The following CACNA2D3 variants were observed in gnomAD, a reference collection of about 807,000 sequenced individuals.
CACNA2D3 encodes voltage-dependent calcium channel subunit alpha-2/delta-3.
Under a neutral mutation model 160.6 loss-of-function variants are expected in CACNA2D3, and 60 were observed. That is an observed-to-expected ratio of 0.37 (90% CI 0.30 to 0.46). The LOEUF (loss-of-function observed/expected upper bound fraction) is 0.46, where lower values mean the gene tolerates loss of function less well. Ranked by LOEUF, CACNA2D3 falls within the 20% of genes least tolerant of loss-of-function variation. The pLI is 1.00. For missense variants in CACNA2D3, 1,205 were observed against 1,365.0 expected (o/e 0.88, Z 1.85); for synonymous variants, 558 against 492.9 (o/e 1.13, Z -1.75).
At chr3:54,912,430 A>G (rs1700577620) in intron 27 of CACNA2D3, among the ~76,000 whole-genome samples, 1 of 151,878 alleles carries the variant, frequency 6.6e-6, no homozygotes, top group African/African-American at 2.4e-5. Flanking sequence ...CTCTAATCTC[A>G]GCTCCTTCTA....
chr3:55,074,449 T>TTCA lies in CACNA2D3; in HGVS notation c.*247_*249dup, dbSNP rs1407292466. On this transcript the variant is annotated 3_prime_UTR_variant, in exon 38 of 38. Transcript: ENST00000474759. ...TGAGTTTGCCACATGATAATCACCC[T>TTCA]TCATCAGAAATGGGACCGCAAGTGG... The TTCA allele has an allele frequency of 1.6e-5, 8 of 511,518 alleles. No individual in the cohort carries two copies. Among genetic ancestry groups the TTCA allele is most frequent in the African/African-American group, 9.7e-5 (5 of 51,672 alleles). The allele number at this position is 511,518 out of a possible 1,614,324, so 31.7% of individuals were successfully genotyped here. A position where few individuals can be genotyped will look rare whatever the true frequency, so the allele number is the denominator to read the frequency against.
rs980380639 is a variant in CACNA2D3 at position 54,508,054 on chromosome 3, T to C, written c.544+4400T>C. ...GAGCCTTTAGCAGGTGAGTAGGTAC[T>C]GTAACTCCAAGACTGAGGGAGCTTG... is the stretch of plus-strand genomic sequence containing the variant. On this transcript the variant is annotated intron_variant, in intron 5 of 37. Coordinates refer to ENST00000474759, the MANE Select transcript of CACNA2D3 (RefSeq NM_018398.3). 5.3e-5 allele frequency among the ~76,000 whole-genome samples: 8 copies of C among 152,224 alleles called. No homozygotes were observed. In the East Asian group the frequency reaches 1.5e-3, roughly 29 times the overall value.
At chr3:54,806,640 A>G (rs1320123363) in intron 13 of CACNA2D3, among the ~76,000 whole-genome samples, 3 of 152,226 alleles carry the variant, frequency 2.0e-5, no homozygotes, top group African/African-American at 4.8e-5. Flanking sequence ...AAGGTAATTT[A>G]TAGATTCAAT....
At chr3:54,455,720 T>A (rs1287324216) in intron 4 of CACNA2D3, among the ~76,000 whole-genome samples, 1 of 152,184 alleles carries the variant, frequency 6.6e-6, no homozygotes, top group African/African-American at 2.4e-5. Context: ...AAGATTTAAG[T>A]CTTTAATTCA....
At chr3:54,945,232 G>T (rs937385758) in intron 27 of CACNA2D3, among the ~76,000 whole-genome samples, 1 of 152,200 alleles carries the variant, frequency 6.6e-6, no homozygotes, top group African/African-American at 2.4e-5. Context: ...GTTGGTGTCT[G>T]TGGCATGTGC....
intron 3 of CACNA2D3, among the ~76,000 whole-genome samples, chr3:54,365,693 G>A (rs1388281185): frequency 2.0e-5 from 3 of 152,080 alleles, no homozygotes; most frequent in African/African-American, 7.2e-5. Context: ...GAGAAACCCT[G>A]TCTCTACTAA....
intron 3 of CACNA2D3, among the ~76,000 whole-genome samples, chr3:54,347,172 T>C (rs1698474777): frequency 6.6e-6 from 1 of 152,226 alleles, no homozygotes; most frequent in African/African-American, 2.4e-5. Context: ...TGGCACCTTA[T>C]GCCTGCTGGA....
chr3:54,580,703 C>A (rs1217479462), intron 8 of CACNA2D3, among the ~76,000 whole-genome samples: 1 of 152,178 alleles, frequency 6.6e-6, no homozygotes. Context: ...GGTGTGGTCC[C>A]ACTTTGTGGT....
intron 24 of CACNA2D3, among the ~76,000 whole-genome samples, chr3:54,890,262 C>T (rs1168522486): frequency 4.6e-5 from 7 of 151,912 alleles, no homozygotes; most frequent in Non-Finnish European, 8.8e-5. Context: ...TTTGGGAGGC[C>T]GAGGTGGGCA....
intron 5 of CACNA2D3, among the ~76,000 whole-genome samples, chr3:54,521,461 T>C (rs937713097): frequency 1.3e-5 from 2 of 152,180 alleles, no homozygotes; most frequent in African/African-American, 2.4e-5. Flanking sequence ...TCAAGAGATA[T>C]GATTTGCAAA....
rs369007839 is a variant in CACNA2D3 at position 54,626,473 on chromosome 3, G to A, written c.964-1314G>A. 3.3e-5 allele frequency: 53 copies of A among 1,605,028 alleles called. 1 individual carries two copies. In the East Asian group the frequency reaches 4.7e-4, roughly 14 times the overall value. ...CCTGCGTGACGTGATCATCCTGCCCGAGATGGTGGGCAGCATGGTGGGCGT... is the reference window on the plus strand; with the variant it reads ...CCTGCGTGACGTGATCATCCTGCCCAAGATGGTGGGCAGCATGGTGGGCGT... On this transcript the variant is annotated intron_variant, in intron 9 of 37. Coordinates refer to ENST00000474759, the MANE Select transcript of CACNA2D3 (RefSeq NM_018398.3).
intron 27 of CACNA2D3, among the ~76,000 whole-genome samples, chr3:54,965,887 C>G (rs1354263266): frequency 2.6e-5 from 4 of 152,076 alleles, no homozygotes; most frequent in African/African-American, 9.7e-5. Context: ...AGTTCTAGTT[C>G]AGGGCATCAG....
At chr3:54,449,063 T>C (rs1700264375) in intron 4 of CACNA2D3, among the ~76,000 whole-genome samples, 2 of 152,252 alleles carry the variant, frequency 1.3e-5, no homozygotes, top group South Asian at 4.1e-4. Flanking sequence ...AAACTACTTT[T>C]TAATGTCATC....
intron 11 of CACNA2D3, among the ~76,000 whole-genome samples, chr3:54,728,150 G>C (rs1701312886): frequency 6.6e-6 from 1 of 151,866 alleles, no homozygotes; most frequent in African/African-American, 2.4e-5. Context: ...TAAAATTTTT[G>C]TCTCACTTCC....
At position 54,122,676 on chromosome 3, in the gene CACNA2D3, C is replaced by T. The variant is rs895206770; in HGVS notation, c.-38C>T. 4.3e-4 allele frequency: 452 copies of T among 1,060,376 alleles called. 1 individual carries two copies. The highest frequency in any genetic ancestry group is 3.2e-3 in the Admixed American group (58 of 18,170). The allele number at this position is 1,060,376 out of a possible 1,614,324, so 65.7% of individuals were successfully genotyped here. A position where few individuals can be genotyped will look rare whatever the true frequency, so the allele number is the denominator to read the frequency against. ...CCGCGCAGCTCCCCGCGGCCGCTCT[C>T]GTCGCCGCCGCAGCGGGCGCGTCGG... is the stretch of plus-strand genomic sequence containing the variant. On this transcript the variant is annotated 5_prime_UTR_variant, in exon 1 of 38. Transcript: ENST00000474759.
At chr3:54,479,895 T>A (rs1237653103) in intron 4 of CACNA2D3, among the ~76,000 whole-genome samples, 4 of 152,204 alleles carry the variant, frequency 2.6e-5, no homozygotes, top group African/African-American at 9.7e-5. Context: ...ATCTTTTGAA[T>A]CTGGGAAATC....
chr3:54,908,733 A>G (rs976042234), intron 27 of CACNA2D3, among the ~76,000 whole-genome samples: 4 of 152,214 alleles, frequency 2.6e-5, no homozygotes, highest in African/African-American at 9.7e-5. Context: ...AAAGAGAAAA[A>G]GCAAAAAATC....
chr3:54,383,994 G>A (rs1242977670), intron 3 of CACNA2D3, among the ~76,000 whole-genome samples: 1 of 152,086 alleles, frequency 6.6e-6, no homozygotes, highest in Non-Finnish European at 1.5e-5. Flanking sequence ...ACACACATAT[G>A]TAAATAAAAT....
intron 2 of CACNA2D3, among the ~76,000 whole-genome samples, chr3:54,228,603 C>T (rs1182578355): frequency 6.6e-6 from 1 of 152,164 alleles, no homozygotes; most frequent in Non-Finnish European, 1.5e-5. Context: ...GAAATTCAGA[C>T]CTTGAAGTCA....
Sources: allele counts gnomAD v4.1 joint callset (sites outside exome capture counted in the v4.1 genomes callset), GRCh38; gene constraint gnomAD v4.1.1; transcripts MANE v1.5; gene names NCBI Gene and HGNC (gene_info 2026-07-23, HGNC 2026-07-21).